The following ENTREP2 variants were observed in gnomAD, a reference collection of about 807,000 sequenced individuals.
ENTREP2 encodes endosomal transmembrane epsin interactor 2, also known as protein ENTREP2.
the ENTREP2 span, among the ~76,000 whole-genome samples, chr15:29,280,776 C>T: frequency 1.3e-5 from 2 of 152,302 alleles, no homozygotes; most frequent in Middle Eastern, 3.4e-3. Flanking sequence ...GCATGAAAGG[C>T]GGAGGAGCTT....
the ENTREP2 span, among the ~76,000 whole-genome samples, chr15:29,312,131 A>G: frequency 3.3e-5 from 5 of 152,184 alleles, no homozygotes; most frequent in African/African-American, 4.8e-5. Context: ...AGAAAAACTA[A>G]CTTTTCCTGC....
chr15:29,560,350 G>A, the ENTREP2 span, among the ~76,000 whole-genome samples: 1 of 152,166 alleles, frequency 6.6e-6, no homozygotes, highest in South Asian at 2.1e-4. Flanking sequence ...CAGCAATAGG[G>A]TATGTCAAGA....
At chr15:29,257,938 G>A in the ENTREP2 span, among the ~76,000 whole-genome samples, 8 of 151,844 alleles carry the variant, frequency 5.3e-5, no homozygotes, top group Admixed American at 2.0e-4. Context: ...TTTGCTGGGC[G>A]CGGTGGCTCA....
the ENTREP2 span, among the ~76,000 whole-genome samples, chr15:29,303,015 C>G: frequency 1.3e-5 from 2 of 152,224 alleles, no homozygotes; most frequent in South Asian, 4.1e-4. Context: ...CAGGGAGGAG[C>G]AGGCCAGTCT....
At chr15:29,490,330 C>G in the ENTREP2 span, among the ~76,000 whole-genome samples, 3 of 152,138 alleles carry the variant, frequency 2.0e-5, no homozygotes, top group Admixed American at 2.0e-4. Flanking sequence ...AATACAGAGC[C>G]TAAGAGTGAG....
At chr15:29,653,276 C>T in the ENTREP2 span, among the ~76,000 whole-genome samples, 2 of 152,172 alleles carry the variant, frequency 1.3e-5, no homozygotes, top group Non-Finnish European at 2.9e-5. Flanking sequence ...AGAGTAAGAC[C>T]CAATGACCAA....
the ENTREP2 span, among the ~76,000 whole-genome samples, chr15:29,378,212 TA>T: frequency 2.7e-4 from 39 of 145,478 alleles, no homozygotes; most frequent in South Asian, 1.1e-3. Flanking sequence ...TAAAAACTCT[TA>T]AAAAAAAAAA....
the ENTREP2 span, among the ~76,000 whole-genome samples, chr15:29,568,594 C>T: frequency 6.6e-5 from 10 of 151,642 alleles, no homozygotes; most frequent in African/African-American, 2.4e-4. Context: ...GTCCTAGCTA[C>T]TTGCAAGGCA....
chr15:29,475,116 G>A, the ENTREP2 span, among the ~76,000 whole-genome samples: 4 of 151,964 alleles, frequency 2.6e-5, no homozygotes, highest in Admixed American at 1.3e-4. Context: ...GGCACTGAGC[G>A]AGAGTGTGTG....
the ENTREP2 span, among the ~76,000 whole-genome samples, chr15:29,371,420 C>T: frequency 6.6e-6 from 1 of 151,074 alleles, no homozygotes; most frequent in African/African-American, 2.4e-5. Flanking sequence ...AACTTTCTAC[C>T]TTCATTAACA....
the ENTREP2 span, among the ~76,000 whole-genome samples, chr15:29,253,760 T>C: frequency 3.9e-5 from 6 of 152,008 alleles, no homozygotes; most frequent in Non-Finnish European, 1.5e-5. Context: ...TCTCTTTTTG[T>C]GATGTTAGCG....
the ENTREP2 span, among the ~76,000 whole-genome samples, chr15:29,188,758 A>C: frequency 6.6e-6 from 1 of 152,198 alleles, no homozygotes; most frequent in Non-Finnish European, 1.5e-5. Flanking sequence ...AGAATGACCA[A>C]GCCATGATGA....
At chr15:29,654,943 T>G in the ENTREP2 span, among the ~76,000 whole-genome samples, 6 of 152,198 alleles carry the variant, frequency 3.9e-5, no homozygotes, top group Admixed American at 2.0e-4. Flanking sequence ...GGCTTGAGTT[T>G]GACAAAAGGA....
the ENTREP2 span, among the ~76,000 whole-genome samples, chr15:29,128,301 T>C: frequency 6.6e-6 from 1 of 152,148 alleles, no homozygotes; most frequent in African/African-American, 2.4e-5. Context: ...ACCCACCCTC[T>C]GTGTCTGGGG....
the ENTREP2 span, among the ~76,000 whole-genome samples, chr15:29,479,463 C>A: frequency 6.6e-6 from 1 of 151,960 alleles, no homozygotes; most frequent in African/African-American, 2.4e-5. Flanking sequence ...GGGTGTTTTC[C>A]ACATACAGCA....
At chr15:29,591,611 A>C in the ENTREP2 span, among the ~76,000 whole-genome samples, 5 of 152,122 alleles carry the variant, frequency 3.3e-5, no homozygotes, top group African/African-American at 1.2e-4. Flanking sequence ...TAAAAAGAGA[A>C]GGCTGGGTGC....
the ENTREP2 span, among the ~76,000 whole-genome samples, chr15:29,281,467 G>A: frequency 6.6e-6 from 1 of 152,068 alleles, no homozygotes; most frequent in Non-Finnish European, 1.5e-5. Flanking sequence ...AGGAAAAAAA[G>A]AAGGAAAACT....
the ENTREP2 span, among the ~76,000 whole-genome samples, chr15:29,204,249 C>T: frequency 2.0e-5 from 3 of 152,194 alleles, no homozygotes; most frequent in African/African-American, 7.2e-5. Flanking sequence ...TAACAGCTAG[C>T]CTGCCCCCCT....
chr15:29,402,138 C>T, the ENTREP2 span, among the ~76,000 whole-genome samples: 4 of 152,076 alleles, frequency 2.6e-5, no homozygotes, highest in Non-Finnish European at 5.9e-5. Context: ...CCAGTATTAA[C>T]CAAAGGATTA....
Sources: gnomAD v4.1 joint callset for allele counts (sites outside exome capture counted in the v4.1 genomes callset) on GRCh38, gnomAD v4.1.1 for gene constraint, MANE v1.5 for transcripts, NCBI Gene and HGNC (gene_info 2026-07-23, HGNC 2026-07-21) for gene names.